The following STK32B variants were observed in gnomAD, a reference collection of about 807,000 sequenced individuals.
STK32B encodes serine/threonine-protein kinase 32B.
In STK32B, 43 loss-of-function variants were observed where a neutral mutation model predicts 52.6. The ratio of observed to expected loss-of-function variants is 0.82; its 90% confidence interval spans 0.64 to 1.05. The LOEUF is 1.05. Among genes scored for constraint, STK32B ranks in the 50% least tolerant of loss-of-function variants. STK32B has a pLI of 0.00. For missense variants in STK32B, 621 were observed against 534.6 expected, an observed-to-expected ratio of 1.16 and a Z score of -1.59; for synonymous variants, 238 against 204.3, an observed-to-expected ratio of 1.17 and a Z score of -1.41.
intron 3 of STK32B, among the ~76,000 whole-genome samples, chr4:5,174,606 A>G (rs759821985): frequency 6.6e-6 from 1 of 152,066 alleles, no homozygotes. Context: ...AAATTCTTTT[A>G]TTTAAGAATG....
intron 3 of STK32B, among the ~76,000 whole-genome samples, chr4:5,259,467 T>A (rs547507273): frequency 6.6e-6 from 1 of 152,334 alleles, no homozygotes; most frequent in African/African-American, 2.4e-5. Context: ...ACCTATTGAC[T>A]ATGGATTTCC....
intron 4 of STK32B, among the ~76,000 whole-genome samples, chr4:5,343,581 G>A (rs1448249888): frequency 2.0e-5 from 3 of 151,978 alleles, no homozygotes; most frequent in Non-Finnish European, 4.4e-5. Flanking sequence ...AATTCAAGAT[G>A]GATTAAAGAT....
chr4:5,098,611 C>CT (rs1560149908), intron 1 of STK32B, among the ~76,000 whole-genome samples: 2 of 152,212 alleles, frequency 1.3e-5, no homozygotes, highest in Non-Finnish European at 2.9e-5. Context: ...GAGATTGAGA[C>CT]TTCTCAAGGT....
chr4:5,379,013 G>C (rs1735758645), intron 4 of STK32B, among the ~76,000 whole-genome samples: 1 of 152,124 alleles, frequency 6.6e-6, no homozygotes. Flanking sequence ...CTCTGAAAGA[G>C]ATTCCAGGGT....
At chr4:5,330,601 A>G (rs28453036) in intron 3 of STK32B, among the ~76,000 whole-genome samples, 29,238 of 152,170 alleles carry the variant, frequency 0.19, 5,155 homozygotes, top group African/African-American at 0.45. Context: ...GCTCACTCGC[A>G]TGGCAGGCAG....
intron 3 of STK32B, among the ~76,000 whole-genome samples, chr4:5,288,789 G>A (rs991012275): frequency 1.3e-5 from 2 of 151,932 alleles, no homozygotes; most frequent in African/African-American, 4.8e-5. Flanking sequence ...TGTGCTTTTG[G>A]TGTCCTATCC....
chr4:5,039,706 G>A, the STK32B span, among the ~76,000 whole-genome samples: 3 of 152,226 alleles, frequency 2.0e-5, no homozygotes, highest in Non-Finnish European at 4.4e-5. Context: ...ATGATTGACA[G>A]TGCAAGGAGG....
At chr4:5,151,650 C>T (rs10018494) in intron 2 of STK32B, among the ~76,000 whole-genome samples, 49,457 of 152,012 alleles carry the variant, frequency 0.33, 9,469 homozygotes, top group Non-Finnish European at 0.44. Flanking sequence ...AATTCTGGGA[C>T]AGTTGAGGCA....
chr4:5,021,577 A>G, the STK32B span, among the ~76,000 whole-genome samples: 15 of 152,200 alleles, frequency 9.9e-5, no homozygotes, highest in Admixed American at 9.8e-4. Flanking sequence ...AGCAGGGAAG[A>G]AAAACAAGCC....
intron 1 of STK32B, among the ~76,000 whole-genome samples, chr4:5,052,852 A>T (rs1223793101): frequency 6.6e-6 from 1 of 152,134 alleles, no homozygotes; most frequent in South Asian, 2.1e-4. Context: ...GCTGAGACAT[A>T]CTGAGCACTT....
At chr4:5,292,657 A>G (rs1728959908) in intron 3 of STK32B, among the ~76,000 whole-genome samples, 1 of 151,966 alleles carries the variant, frequency 6.6e-6, no homozygotes, top group South Asian at 2.1e-4. Context: ...TAATTAGGTC[A>G]CAATTGTCAA....
chr4:5,387,471 T>G (rs1479309476), intron 4 of STK32B, among the ~76,000 whole-genome samples: 1 of 152,168 alleles, frequency 6.6e-6, no homozygotes, highest in Non-Finnish European at 1.5e-5. Context: ...TGCAACCTGG[T>G]GCACCCAGGG....
chr4:5,294,351 A>G (rs570182803), intron 3 of STK32B, among the ~76,000 whole-genome samples: 4 of 152,124 alleles, frequency 2.6e-5, no homozygotes, highest in Admixed American at 2.6e-4. Flanking sequence ...TGAATCTATA[A>G]ATTACTTTGG....
At chr4:5,445,048 A>G (rs1039674990) in intron 6 of STK32B, among the ~76,000 whole-genome samples, 2 of 152,236 alleles carry the variant, frequency 1.3e-5, no homozygotes, top group Non-Finnish European at 2.9e-5. Context: ...TGTAAGGTGC[A>G]TCTCAGCTTT....
chr4:5,220,980 T>G (rs1723492317), intron 3 of STK32B, among the ~76,000 whole-genome samples: 1 of 152,196 alleles, frequency 6.6e-6, no homozygotes, highest in African/African-American at 2.4e-5. Flanking sequence ...ATAGCCTTAT[T>G]TGGTTTCTGA....
chr4:5,412,858 T>C (rs1455425244), intron 5 of STK32B, among the ~76,000 whole-genome samples: 1 of 152,156 alleles, frequency 6.6e-6, no homozygotes, highest in Non-Finnish European at 1.5e-5. Context: ...TGAAAGAGTA[T>C]TCAAAATTGA....
At chr4:5,215,534 A>T (rs928671910) in intron 3 of STK32B, among the ~76,000 whole-genome samples, 1 of 152,120 alleles carries the variant, frequency 6.6e-6, no homozygotes, top group Non-Finnish European at 1.5e-5. Context: ...TCTCCTGGAG[A>T]CAGGGGCTTC....
chr4:5,301,729 G>C lies in STK32B; in HGVS notation c.261-29491G>C, dbSNP rs550694763. On this transcript the variant is annotated intron_variant, in intron 3 of 11. Coordinates refer to ENST00000282908, the MANE Select transcript of STK32B (RefSeq NM_018401.3). ...TTTTTGTCACTTTTCCAAAGAATCA[G>C]ATTTCAGTTCCATTAGCTTTTTTTT... 1.7e-3 allele frequency among the ~76,000 whole-genome samples: 230 copies of C among 133,174 alleles called. 2 individuals carry two copies. The highest frequency in any genetic ancestry group is 6.9e-3 in the African/African-American group (225 of 32,628). 87.4% of individuals were successfully genotyped at this position (133,174 alleles called of 152,430 possible).
intron 11 of STK32B, among the ~76,000 whole-genome samples, chr4:5,480,851 C>T (rs545213685): frequency 8.4e-4 from 128 of 151,908 alleles, no homozygotes; most frequent in African/African-American, 2.8e-3. Context: ...TTTGTCCTTG[C>T]GATAGTTTGC....
Sources: gnomAD v4.1 joint callset for allele counts (sites outside exome capture counted in the v4.1 genomes callset) on GRCh38, gnomAD v4.1.1 for gene constraint, MANE v1.5 for transcripts, NCBI Gene and HGNC (gene_info 2026-07-23, HGNC 2026-07-21) for gene names.